CELF2: variants seen among roughly 807,000 people sequenced by gnomAD.
CELF2 encodes the protein CUG triplet repeat RNA-binding protein 2.
A neutral mutation model predicts 62.6 loss-of-function variants in CELF2; 8 were observed. The observed-to-expected ratio is 0.13, with a 90% confidence interval of 0.07 to 0.23. The LOEUF (loss-of-function observed/expected upper bound fraction) is 0.23, where lower values mean the gene tolerates loss of function less well. Among genes scored for constraint, CELF2 ranks in the 10% least tolerant of loss-of-function variants. The pLI is 1.00. For synonymous variants in CELF2, 258 were observed against 250.0 expected (o/e 1.03, Z -0.30); for missense variants, 333 against 671.0 (o/e 0.50, Z 5.56).
intron 1 of CELF2, among the ~76,000 whole-genome samples, chr10:11,123,652 T>A (rs7923727): frequency 0.56 from 85,757 of 152,038 alleles, 24,654 homozygotes; most frequent in East Asian, 0.81. Context: ...ACAATTCCTT[T>A]GCATGAGACA....
At chr10:10,906,835 C>T (rs1331543598) in intron 1 of CELF2, among the ~76,000 whole-genome samples, 1 of 146,096 alleles carries the variant, frequency 6.8e-6, no homozygotes, top group Non-Finnish European at 1.5e-5. Context: ...TCTCCTGCAT[C>T]AGCCTCCTGA....
chr10:11,091,003 T>G (rs2048167181), intron 1 of CELF2, among the ~76,000 whole-genome samples: 1 of 152,256 alleles, frequency 6.6e-6, no homozygotes, highest in South Asian at 2.1e-4. Context: ...CATTCTTTTA[T>G]AATCCATAGT....
At chr10:10,912,763 G>T (rs945015601) in intron 1 of CELF2, among the ~76,000 whole-genome samples, 1 of 152,206 alleles carries the variant, frequency 6.6e-6, no homozygotes, top group Admixed American at 6.5e-5. Flanking sequence ...TGTGGCTTAC[G>T]CATACTCCCC....
At chr10:11,176,671 A>G (rs1322838699) in intron 2 of CELF2, among the ~76,000 whole-genome samples, 2 of 152,154 alleles carry the variant, frequency 1.3e-5, no homozygotes, top group Non-Finnish European at 1.5e-5. Context: ...TGTAGACTAG[A>G]TGGACTAGAA....
the CELF2 span, among the ~76,000 whole-genome samples, chr10:10,693,575 C>G: frequency 2.6e-5 from 4 of 150,984 alleles, no homozygotes; most frequent in African/African-American, 9.7e-5. Context: ...GGAATAGTTT[C>G]AGAAGGAATG....
chr10:10,550,076 G>C, the CELF2 span, among the ~76,000 whole-genome samples: 2 of 152,146 alleles, frequency 1.3e-5, no homozygotes, highest in African/African-American at 2.4e-5. Context: ...ACTCTCCAAA[G>C]GCTATTAATA....
chr10:10,568,535 C>A, the CELF2 span, among the ~76,000 whole-genome samples: 1 of 152,164 alleles, frequency 6.6e-6, no homozygotes, highest in African/African-American at 2.4e-5. Flanking sequence ...AAAGAGTTTG[C>A]TCACCCTTCG....
At chr10:10,754,809 G>A in the CELF2 span, among the ~76,000 whole-genome samples, 1 of 152,096 alleles carries the variant, frequency 6.6e-6, no homozygotes, top group Non-Finnish European at 1.5e-5. Context: ...CATGCTCCAA[G>A]GCCTCTCCTA....
At chr10:11,229,267 G>T (rs1449788821) in intron 3 of CELF2, among the ~76,000 whole-genome samples, 1 of 152,226 alleles carries the variant, frequency 6.6e-6, no homozygotes, top group African/African-American at 2.4e-5. Context: ...TCCAGTCTGT[G>T]TGTAGCATTT....
intron 8 of CELF2, among the ~76,000 whole-genome samples, chr10:11,284,515 A>G (rs1175933738): frequency 1.5e-5 from 2 of 133,034 alleles, no homozygotes. Flanking sequence ...ATGAGGGATG[A>G]GTGTGTGGTG....
At chr10:11,018,333 G>A (rs1293119945) in intron 1 of CELF2, among the ~76,000 whole-genome samples, 170 bp downstream of exon 1, 1 of 151,678 alleles carries the variant, frequency 6.6e-6, no homozygotes, top group African/African-American at 2.4e-5. Flanking sequence ...GGAGGGAGCG[G>A]GTGCGGACGA....
chr10:10,785,166 GATCA>G, the CELF2 span, among the ~76,000 whole-genome samples: 1 of 152,166 alleles, frequency 6.6e-6, no homozygotes, highest in Non-Finnish European at 1.5e-5. Context: ...TCTTCATGGT[GATCA>G]ATCAGGGATC....
chr10:10,507,485 A>C, the CELF2 span, among the ~76,000 whole-genome samples: 2 of 152,202 alleles, frequency 1.3e-5, no homozygotes, highest in African/African-American at 4.8e-5. Flanking sequence ...AAATCTACAA[A>C]ATACTAAGGA....
the CELF2 span, among the ~76,000 whole-genome samples, chr10:10,693,923 T>C: frequency 6.6e-6 from 1 of 152,144 alleles, no homozygotes; most frequent in African/African-American, 2.4e-5. Flanking sequence ...TTAGTCTTGC[T>C]AGCAATCTAC....
chr10:10,818,564 T>C (rs2056690407), intron 1 of CELF2, among the ~76,000 whole-genome samples: 1 of 150,194 alleles, frequency 6.7e-6, no homozygotes, highest in South Asian at 2.1e-4. Context: ...TTTTTTTTTT[T>C]TTCTTGAGAC....
intron 1 of CELF2, chr10:11,092,355 T>G (rs1469611222): frequency 6.6e-6 from 1 of 152,236 alleles, no homozygotes; most frequent in Non-Finnish European, 1.5e-5. Flanking sequence ...CGGACACCAC[T>G]TTATCCTTGA....
intron 1 of CELF2, among the ~76,000 whole-genome samples, chr10:10,908,606 ATG>A (rs1363944237): frequency 2.0e-5 from 3 of 152,164 alleles, no homozygotes; most frequent in African/African-American, 2.4e-5. Flanking sequence ...GCATTTTATT[ATG>A]TGTTTATAGC....
At chr10:11,230,413 A>G (rs2068207268) in intron 3 of CELF2, among the ~76,000 whole-genome samples, 1 of 152,186 alleles carries the variant, frequency 6.6e-6, no homozygotes, top group Admixed American at 6.5e-5. Context: ...AGTCCCTCAC[A>G]GGGTGCACTG....
intron 2 of CELF2, among the ~76,000 whole-genome samples, chr10:10,954,219 TA>T (rs2048640427): frequency 3.3e-5 from 1 of 29,984 alleles, no homozygotes; most frequent in Non-Finnish European, 8.7e-5. Context: ...TATTTATTAT[TA>T]TTATTATTAT....
Sources: gnomAD v4.1 joint callset for allele counts (sites outside exome capture counted in the v4.1 genomes callset) on GRCh38, gnomAD v4.1.1 for gene constraint, MANE v1.5 for transcripts, NCBI Gene and HGNC (gene_info 2026-07-23, HGNC 2026-07-21) for gene names.